TMOD3: variants seen among roughly 807,000 people sequenced by gnomAD.
TMOD3 encodes tropomodulin 3.
TMOD3 carries 20 observed loss-of-function variants against 39.2 expected under a neutral mutation model. That is an observed-to-expected ratio of 0.51 (90% CI 0.36 to 0.74). The LOEUF (loss-of-function observed/expected upper bound fraction) is 0.74. Among genes scored for constraint, TMOD3 ranks in the 30% least tolerant of loss-of-function variants. TMOD3 has a pLI of 0.00. For synonymous variants in TMOD3, 143 were observed against 145.8 expected (o/e 0.98, Z 0.14); for missense variants, 381 against 412.8 (o/e 0.92, Z 0.67).
chr15:51,844,617 T>G (rs1259353448), intron 1 of TMOD3, among the ~76,000 whole-genome samples: 1 of 152,188 alleles, frequency 6.6e-6, no homozygotes, highest in African/African-American at 2.4e-5. Flanking sequence ...GGAAAGGAAA[T>G]AAAGACCAAG....
intron 1 of TMOD3, among the ~76,000 whole-genome samples, chr15:51,857,037 T>C (rs965917189): frequency 6.6e-6 from 1 of 152,064 alleles, no homozygotes; most frequent in Non-Finnish European, 1.5e-5. Context: ...ATTTATACGA[T>C]AGAATAGTAT....
In TMOD3 at chr15:51,902,184, ATTCAAG is replaced by A. The variant is rs1377481814; in HGVS notation, c.1024+154_1024+159del. 2.1e-5 allele frequency: 19 copies of A among 889,258 alleles called. 1 individual carries two copies. The highest frequency in any genetic ancestry group is 2.3e-4 in the Middle Eastern group (1 of 4,440). The allele number at this position is 889,258 out of a possible 1,614,324, so 55.1% of individuals were successfully genotyped here. A position where few individuals can be genotyped will look rare whatever the true frequency, so the allele number is the denominator to read the frequency against. ...GCATGGTCCTTTATATACTGATTGA[ATTCAAG>A]TTCAATTAAAGTGAGGTTGTGATGA... On this transcript the variant is annotated intron_variant, in intron 9 of 9. Transcript: ENST00000308580.
rs2959285 is a variant in TMOD3 at position 51,893,961 on chromosome 15, A to C, written c.627+16A>C. On this transcript the variant is annotated intron_variant, in intron 6 of 9. Transcript: ENST00000308580. ...TAATATAAAGGTAAGTGTGCTAATC[A>C]GAGTGGTTTTGTATTGCTTTGAGTT... The C allele has an allele frequency of 0.39, 603,581 of 1,539,532 alleles. 120,868 individuals carry two copies. The highest frequency in any genetic ancestry group is 0.46 in the Admixed American group (24,833 of 54,238).
At chr15:51,902,059 T>C in intron 9 of TMOD3, 23 bp downstream of exon 9, 12 of 1,610,402 alleles carry the variant, frequency 7.5e-6, no homozygotes, top group Non-Finnish European at 9.3e-6. Context: ...ATCGATCAAG[T>C]TTCTGAGTTC....
At chr15:51,850,423 T>C (rs1454664619) in intron 1 of TMOD3, among the ~76,000 whole-genome samples, 2 of 152,014 alleles carry the variant, frequency 1.3e-5, no homozygotes, top group African/African-American at 4.8e-5. Flanking sequence ...GGTTTGTTGA[T>C]ATGATGGGAA....
At chr15:51,852,736 G>A (rs1182980558) in intron 1 of TMOD3, among the ~76,000 whole-genome samples, 3 of 152,198 alleles carry the variant, frequency 2.0e-5, no homozygotes, top group Non-Finnish European at 2.9e-5. Flanking sequence ...TGTGATCCAA[G>A]TATATCAAAT....
intron 5 of TMOD3, chr15:51,892,460 C>G (rs1378711427): frequency 6.6e-6 from 1 of 152,240 alleles, no homozygotes; most frequent in Non-Finnish European, 1.5e-5. Context: ...TCTGAAGCAT[C>G]ATATTCCTGT....
At chr15:51,907,352 G>A (rs866375377) in intron 9 of TMOD3, 1 of 152,150 alleles carries the variant, frequency 6.6e-6, no homozygotes, top group Non-Finnish European at 1.5e-5. Context: ...AGAGTCAGGC[G>A]AACTTAATTA....
At chr15:51,855,030 T>C (rs992908838) in intron 1 of TMOD3, among the ~76,000 whole-genome samples, 3 of 152,214 alleles carry the variant, frequency 2.0e-5, no homozygotes, top group Non-Finnish European at 4.4e-5. Flanking sequence ...TTTCTTGATG[T>C]CCTTAAGTAT....
chr15:51,886,115 C>G (rs950749110), intron 3 of TMOD3, among the ~76,000 whole-genome samples: 1 of 151,852 alleles, frequency 6.6e-6, no homozygotes, highest in Non-Finnish European at 1.5e-5. Context: ...GGGTGGCGGT[C>G]GGGCAGAGAC....
chr15:51,886,658 G>C (rs1460126161), intron 3 of TMOD3, among the ~76,000 whole-genome samples: 1 of 151,858 alleles, frequency 6.6e-6, no homozygotes, highest in Admixed American at 6.6e-5. Context: ...AGACCGTGGA[G>C]AGAGAGGGAG....
chr15:51,900,388 C>T (rs2056644215), intron 8 of TMOD3, 90 bp downstream of exon 8: 1 of 1,454,614 alleles, frequency 6.9e-7, no homozygotes, highest in Non-Finnish European at 9.3e-7. Flanking sequence ...GGGAGGCGGG[C>T]TGTCAGGGAT....
rs200776431 is a variant in TMOD3 at position 51,896,406 on chromosome 15, A to T, written c.628-13A>T. On this transcript the variant is annotated splice_polypyrimidine_tract_variant and intron_variant, in intron 6 of 9. Transcript: ENST00000308580. Reference sequence around the variant, plus strand: ...TTGAAATGTAATGATGTTTTATGTTATTGTCTTTCAAGAATATCCCAATTC... The same window carrying T: ...TTGAAATGTAATGATGTTTTATGTTTTTGTCTTTCAAGAATATCCCAATTC... 2 of 1,549,656 alleles carry T rather than the reference A, an allele frequency of 1.3e-6. No homozygotes were observed. The highest frequency in any genetic ancestry group is 1.8e-6 in the Non-Finnish European group (2 of 1,125,372).
intron 5 of TMOD3, chr15:51,892,221 C>T (rs1243303527): frequency 1.3e-5 from 2 of 152,158 alleles, no homozygotes; most frequent in Non-Finnish European, 2.9e-5. Context: ...ATTTTGAACC[C>T]GGTCAGTCTT....
chr15:51,844,396 A>G lies in TMOD3; in HGVS notation c.-75+14560A>G, dbSNP rs148482048. Among the ~76,000 whole-genome samples, 240 of 152,326 alleles carry G rather than the reference A, an allele frequency of 1.6e-3. 1 individual carries two copies. The highest frequency in any genetic ancestry group is 5.6e-3 in the African/African-American group (234 of 41,574). ...GGAAAACCCTCCGAAACTCCTTAAA[A>G]TATCACCTTCTGCGGTTAAAGCCTT... On this transcript the variant is annotated intron_variant, in intron 1 of 9. Coordinates refer to ENST00000308580, the MANE Select transcript of TMOD3 (RefSeq NM_014547.5).
At position 51,912,479 on chromosome 15, in the gene TMOD3, T is replaced by G. The variant is rs1311472354; in HGVS notation, c.*3669T>G. On this transcript the variant is annotated 3_prime_UTR_variant, in exon 10 of 10. Transcript: ENST00000308580. ...ATAAAATGTTACTCATATCATATTG[T>G]ACGTTATATTTAACTCTTGCTGTCA... 1 of 151,894 alleles carries G rather than the reference T, an allele frequency of 6.6e-6. No individual in the cohort carries two copies. The highest frequency in any genetic ancestry group is 1.5e-5 in the Non-Finnish European group (1 of 67,996). 9.4% of individuals were successfully genotyped at this position (151,894 alleles called of 1,614,324 possible). A position where few individuals can be genotyped will look rare whatever the true frequency, so the allele number is the denominator to read the frequency against.
At chr15:51,854,376 A>G (rs2056377777) in intron 1 of TMOD3, among the ~76,000 whole-genome samples, 3 of 152,212 alleles carry the variant, frequency 2.0e-5, no homozygotes, top group Admixed American at 2.0e-4. Context: ...TGTGGGTAAT[A>G]TGAGTTATAT....
chr15:51,865,272 C>T (rs1037781545), intron 2 of TMOD3, among the ~76,000 whole-genome samples: 22 of 152,300 alleles, frequency 1.4e-4, no homozygotes, highest in African/African-American at 4.6e-4. Flanking sequence ...CAAATGTCCT[C>T]TAGGGGACAA....
intron 1 of TMOD3, among the ~76,000 whole-genome samples, chr15:51,844,355 A>G (rs1309223277): frequency 6.6e-6 from 1 of 152,190 alleles, no homozygotes; most frequent in Non-Finnish European, 1.5e-5. Flanking sequence ...ATAGATGTAA[A>G]TGAATGATGG....
Sources: allele counts gnomAD v4.1 joint callset (sites outside exome capture counted in the v4.1 genomes callset), GRCh38; gene constraint gnomAD v4.1.1; transcripts MANE v1.5; gene names NCBI Gene and HGNC (gene_info 2026-07-23, HGNC 2026-07-21).